The following SDK1 variants were observed in gnomAD, a reference collection of about 807,000 sequenced individuals.
The protein encoded by SDK1 is protein sidekick-1.
A neutral mutation model predicts 245.5 loss-of-function variants in SDK1; 157 were observed. The ratio of observed to expected loss-of-function variants is 0.64; its 90% CI spans 0.56 to 0.73. SDK1 has a LOEUF of 0.73. SDK1 is among the 30% of genes least tolerant of loss of function. The pLI is 0.00. For synonymous variants in SDK1, 1,647 were observed against 1,278.5 expected, an observed-to-expected ratio of 1.29 and a Z score of -6.15; for missense variants, 3,583 against 3,002.3, an observed-to-expected ratio of 1.19 and a Z score of -4.52.
intron 1 of SDK1, among the ~76,000 whole-genome samples, chr7:3,459,283 A>C (rs1481429961): frequency 6.6e-6 from 1 of 152,194 alleles, no homozygotes; most frequent in Non-Finnish European, 1.5e-5. Flanking sequence ...TATGTAAGGT[A>C]TGCTTTCAGT....
chr7:3,990,132 C>A (rs1390260680), intron 14 of SDK1, among the ~76,000 whole-genome samples: 1 of 152,260 alleles, frequency 6.6e-6, no homozygotes, highest in Non-Finnish European at 1.5e-5. Context: ...ATCTGAAGAA[C>A]CATTATTTGA....
intron 41 of SDK1, among the ~76,000 whole-genome samples, chr7:4,234,863 C>T (rs1434276496): frequency 1.3e-5 from 2 of 152,162 alleles, no homozygotes; most frequent in African/African-American, 2.4e-5. Flanking sequence ...AGGGAGGCCT[C>T]GGCGTTGGGG....
chr7:3,365,908 G>A (rs1175489265), intron 1 of SDK1, among the ~76,000 whole-genome samples: 3 of 152,184 alleles, frequency 2.0e-5, no homozygotes, highest in South Asian at 2.1e-4. Flanking sequence ...GCGTGGTGGC[G>A]GGCACCGGTA....
rs144436742 is a variant in SDK1 at position 3,779,902 on chromosome 7, G to A, written c.714-41548G>A. Reference sequence around the variant, plus strand: ...AGCCGAGATTGCACCACTGCAGTCCGCAGTCCGGCCTGGGCGACAGAGGGA... The same window carrying A: ...AGCCGAGATTGCACCACTGCAGTCCACAGTCCGGCCTGGGCGACAGAGGGA... On this transcript the variant is annotated intron_variant, in intron 4 of 44. Transcript: ENST00000404826. Among the ~76,000 whole-genome samples, 503 of 144,608 alleles carry A rather than the reference G, an allele frequency of 3.5e-3. 5 individuals carry two copies. The highest frequency in any genetic ancestry group is 0.013 in the African/African-American group (477 of 38,042). The allele number at this position is 144,608 out of a possible 152,430, so 94.9% of individuals were successfully genotyped here. A position where few individuals can be genotyped will look rare whatever the true frequency, so the allele number is the denominator to read the frequency against.
chr7:3,699,570 A>T (rs73302252), intron 4 of SDK1, among the ~76,000 whole-genome samples: 3,634 of 152,288 alleles, frequency 0.024, 148 homozygotes, highest in African/African-American at 0.083. Flanking sequence ...GATAAAAAAA[A>T]TAGAAAATAC....
chr7:3,301,877 G>A lies in SDK1; in HGVS notation c.291G>A (p.Leu97=). 8.8e-7 allele frequency: 1 copy of A among 1,137,246 alleles called. No homozygotes were observed. 70.4% of individuals were successfully genotyped at this position (1,137,246 alleles called of 1,614,324 possible). A position where few individuals can be genotyped will look rare whatever the true frequency, so the allele number is the denominator to read the frequency against. Residue 97 remains leucine, a synonymous_variant, in exon 1 of 45, where the codon CTG becomes CTA. Transcript: ENST00000404826. ...TGCAGCTGCACTTGCTCCGGGCGCT[G>A]GCGCAAGGTAGGTGCGCGCGGGGTC... ...LALQLHLLRA[L]AQDDVAPYFK... is the part of the protein sequence containing the mutation.
intron 22 of SDK1, among the ~76,000 whole-genome samples, chr7:4,097,529 A>T (rs892479843): frequency 1.3e-5 from 2 of 152,196 alleles, no homozygotes; most frequent in African/African-American, 2.4e-5. Flanking sequence ...AGACAGATAT[A>T]TTGGGCCGCC....
At chr7:3,953,230 A>G (rs1265421403) in intron 7 of SDK1, among the ~76,000 whole-genome samples, 1 of 152,228 alleles carries the variant, frequency 6.6e-6, no homozygotes, top group African/African-American at 2.4e-5. Flanking sequence ...ATACTGCACA[A>G]AAGGTGGTTT....
chr7:4,003,752 T>C (rs1785248750), intron 14 of SDK1, among the ~76,000 whole-genome samples: 1 of 152,234 alleles, frequency 6.6e-6, no homozygotes, highest in Non-Finnish European at 1.5e-5. Flanking sequence ...CAGCAGCACC[T>C]GTCTTGAGTG....
chr7:3,771,582 C>T (rs565893119), intron 4 of SDK1, among the ~76,000 whole-genome samples: 2 of 152,294 alleles, frequency 1.3e-5, no homozygotes, highest in African/African-American at 4.8e-5. Flanking sequence ...CTCTTTGATT[C>T]ATAGGATGGA....
At chr7:3,406,550 C>T (rs1220851423) in intron 1 of SDK1, among the ~76,000 whole-genome samples, 2 of 152,116 alleles carry the variant, frequency 1.3e-5, no homozygotes, top group African/African-American at 4.8e-5. Context: ...TCTACTTGAG[C>T]TTTGGTTAGT....
intron 4 of SDK1, among the ~76,000 whole-genome samples, chr7:3,804,707 C>A (rs960867093): frequency 1.3e-4 from 20 of 152,194 alleles, no homozygotes; most frequent in African/African-American, 4.8e-4. Context: ...TTATCACTCT[C>A]CATTTGTGTA....
At chr7:4,218,045 G>T (rs1315165830) in intron 38 of SDK1, among the ~76,000 whole-genome samples, 1 of 152,290 alleles carries the variant, frequency 6.6e-6, no homozygotes, top group South Asian at 2.1e-4. Flanking sequence ...GCAATGGAAG[G>T]TCAGTGCTCA....
At chr7:4,134,757 G>C (rs4723416) in intron 28 of SDK1, 87,008 of 152,306 alleles carry the variant, frequency 0.57, 25,300 homozygotes, top group East Asian at 0.86. Flanking sequence ...TTACCGGGCT[G>C]CCAAGGATCA....
chr7:4,219,112 TCGTCCTCTG>T (rs1784996002), intron 38 of SDK1, among the ~76,000 whole-genome samples: 1 of 152,226 alleles, frequency 6.6e-6, no homozygotes, highest in Non-Finnish European at 1.5e-5. Flanking sequence ...TATGTTGCCA[TCGTCCTCTG>T]AATCGAGGCA....
At chr7:3,696,187 T>C (rs770242049) in intron 4 of SDK1, among the ~76,000 whole-genome samples, 20 of 152,136 alleles carry the variant, frequency 1.3e-4, no homozygotes, top group Non-Finnish European at 2.1e-4. Context: ...TTAAATCTTA[T>C]TGCCACTCTC....
chr7:3,316,703 T>C (rs1386959334), intron 1 of SDK1, among the ~76,000 whole-genome samples: 1 of 152,194 alleles, frequency 6.6e-6, no homozygotes, highest in Non-Finnish European at 1.5e-5. Flanking sequence ...ATGTCATCTC[T>C]TGGCCCTTTT....
rs143580916 is a variant in SDK1, at chr7:3,973,402, C to A, written c.1818-967C>A. ...CTTTCATTCCATATAGCAATGAGTG[C>A]TGGCCCTGCCCGTGGTCATCTAAAG... On this transcript the variant is annotated intron_variant, in intron 12 of 44. Transcript: ENST00000404826. 5.4e-4 allele frequency among the ~76,000 whole-genome samples: 83 copies of A among 152,324 alleles called. No individual in the cohort carries two copies. In the East Asian group the frequency reaches 0.015, roughly 27 times the overall value.
At chr7:3,392,140 AG>A (rs967681937) in intron 1 of SDK1, among the ~76,000 whole-genome samples, 1 of 152,118 alleles carries the variant, frequency 6.6e-6, no homozygotes, top group African/African-American at 2.4e-5. Flanking sequence ...AGTTCTAATC[AG>A]TAACTGAACG....
Sources: gnomAD v4.1 joint callset for allele counts (sites outside exome capture counted in the v4.1 genomes callset) on GRCh38, gnomAD v4.1.1 for gene constraint, MANE v1.5 for transcripts, NCBI Gene and HGNC (gene_info 2026-07-23, HGNC 2026-07-21) for gene names.